Variants in RAB3IL1 observed in about 807,000 individuals in gnomAD.
RAB3IL1 encodes the protein guanine nucleotide exchange factor for Rab-3A.
Under a neutral mutation model 49.2 loss-of-function variants are expected in RAB3IL1, and 37 were observed. The ratio of observed to expected loss-of-function variants is 0.75; its 90% CI spans 0.58 to 0.99. The LOEUF is 0.99. Among genes scored for constraint, RAB3IL1 ranks in the 50% least tolerant of loss-of-function variants. RAB3IL1 has a pLI of 0.00. For synonymous variants in RAB3IL1, 193 were observed against 213.9 expected (o/e 0.90, Z 0.85); for missense variants, 484 against 513.0 (o/e 0.94, Z 0.55).
upstream of RAB3IL1, chr11:61,920,033 G>C (rs957362048): frequency 1.6e-6 from 2 of 1,250,236 alleles, no homozygotes; most frequent in African/African-American, 1.5e-5. Context: ...CCCAGGTCCT[G>C]AGCTCACCTG....
the RAB3IL1 span, among the ~76,000 whole-genome samples, chr11:61,925,552 T>C: frequency 2.6e-5 from 4 of 152,048 alleles, no homozygotes; most frequent in African/African-American, 9.7e-5. Context: ...GGAAAATTGC[T>C]TGAACCCGGG....
At chr11:61,899,748 T>C in intron 8 of RAB3IL1, 2 of 206,298 alleles carry the variant, frequency 9.7e-6, no homozygotes, top group South Asian at 8.8e-5. Flanking sequence ...GGGCAGGCTG[T>C]CCCGGAGTCT....
rs1379443607 is a variant in RAB3IL1, at chr11:61,906,365, T to A, written c.657+101A>T. On this transcript the variant is annotated intron_variant, in intron 5 of 9. Transcript: ENST00000394836. This position sits in a 1 kb window ranked among gnomAD's most constrained non-coding sequence, Gnocchi z 4.6. ...AGAGAGGCGCAGGACAGGCTCCAGG[T>A]CACACAGCATGGGGCAGGCTGGTCC... 9.1e-7 allele frequency: 1 copy of A among 1,095,064 alleles called. No homozygotes were observed. Among genetic ancestry groups the A allele is most frequent in the East Asian group, 2.6e-5 (1 of 38,850 alleles). 67.8% of individuals were successfully genotyped at this position (1,095,064 alleles called of 1,614,324 possible). A position where few individuals can be genotyped will look rare whatever the true frequency, so the allele number is the denominator to read the frequency against.
the RAB3IL1 span, among the ~76,000 whole-genome samples, chr11:61,933,573 T>C: frequency 6.6e-6 from 1 of 152,042 alleles, no homozygotes; most frequent in Non-Finnish European, 1.5e-5. Context: ...AAAAAAGTAA[T>C]GCAGATTTTG....
intron 8 of RAB3IL1, among the ~76,000 whole-genome samples, chr11:61,900,687 T>C (rs1938866440): frequency 6.6e-6 from 1 of 151,958 alleles, no homozygotes; most frequent in Admixed American, 6.6e-5. Flanking sequence ...AGAAAACACT[T>C]CTCCCTGTGG....
chr11:61,903,970 G>A (rs1021266689), intron 7 of RAB3IL1, among the ~76,000 whole-genome samples: 7 of 151,920 alleles, frequency 4.6e-5, no homozygotes, highest in Admixed American at 1.3e-4. Context: ...TGGTGCTTCC[G>A]TTAATACTCC....
Position 61,904,777 on chromosome 11 carries a change from A to AG in RAB3IL1, c.762dup (p.Cys255LeufsTer25). 1 of 1,607,924 alleles carries AG rather than the reference A, an allele frequency of 6.2e-7. No homozygotes were observed. Among genetic ancestry groups the AG allele is most frequent in the Non-Finnish European group, 8.5e-7 (1 of 1,177,872 alleles). Reference sequence around the variant, plus strand: ...ACCTCCTGCATTGTGAAGTCCAGGCAGGGGCCCACGTCCTCTCGGTACACC... The same window carrying AG: ...ACCTCCTGCATTGTGAAGTCCAGGCAGGGGGCCCACGTCCTCTCGGTACACC... On this transcript the variant is annotated frameshift_variant, in exon 6 of 10. Coordinates refer to ENST00000394836, the MANE Select transcript of RAB3IL1 (RefSeq NM_013401.4). LOFTEE classifies it high-confidence loss of function.
chr11:61,903,331 C>T (rs1565358832), intron 7 of RAB3IL1, among the ~76,000 whole-genome samples: 1 of 152,124 alleles, frequency 6.6e-6, no homozygotes, highest in Admixed American at 6.5e-5. Flanking sequence ...AGCCAGGGCT[C>T]CTCCAAAAAC....
the RAB3IL1 span, among the ~76,000 whole-genome samples, chr11:61,932,020 G>A: frequency 6.6e-6 from 1 of 151,972 alleles, no homozygotes; most frequent in Non-Finnish European, 1.5e-5. Flanking sequence ...GGGAGGCTGA[G>A]GCAGGCAGAT....
upstream of RAB3IL1, among the ~76,000 whole-genome samples, chr11:61,922,733 A>G (rs530108279): frequency 6.6e-6 from 1 of 151,984 alleles, no homozygotes; most frequent in Admixed American, 6.6e-5. Context: ...GGATAACAGT[A>G]TCTCCCACTT....
intron 5 of RAB3IL1, among the ~76,000 whole-genome samples, chr11:61,905,470 A>C (rs1473003998): frequency 1.3e-5 from 2 of 152,122 alleles, no homozygotes; most frequent in African/African-American, 4.8e-5. Context: ...GCCGGCTCGT[A>C]GGTGAGGTGA....
At chr11:61,917,038 G>A (rs779482653) in intron 1 of RAB3IL1, among the ~76,000 whole-genome samples, 8 of 151,822 alleles carry the variant, frequency 5.3e-5, no homozygotes, top group African/African-American at 1.5e-4. Context: ...CTTCCTCTAG[G>A]TGCATGCCCC....
At chr11:61,919,589 G>C (rs1245568494), upstream of RAB3IL1, among the ~76,000 whole-genome samples, 1 of 152,204 alleles carries the variant, frequency 6.6e-6, no homozygotes, top group Non-Finnish European at 1.5e-5. Context: ...GGCAGCTGCA[G>C]CTGTGTGCAG....
intron 1 of RAB3IL1, among the ~76,000 whole-genome samples, chr11:61,912,206 G>A (rs1939482767): frequency 6.6e-6 from 1 of 152,184 alleles, no homozygotes; most frequent in Admixed American, 6.5e-5. Context: ...GGCTGCCAGG[G>A]CCCAGGCCTC....
chr11:61,905,734 A>T (rs1268598637), intron 5 of RAB3IL1, among the ~76,000 whole-genome samples: 4 of 152,130 alleles, frequency 2.6e-5, no homozygotes, highest in Non-Finnish European at 4.4e-5. Flanking sequence ...GGCGCCAGGG[A>T]CCCAGGAAGC....
intron 7 of RAB3IL1, among the ~76,000 whole-genome samples, chr11:61,903,807 G>A (rs977261819): frequency 6.6e-6 from 1 of 152,102 alleles, no homozygotes; most frequent in Non-Finnish European, 1.5e-5. Flanking sequence ...TTACAGGTGT[G>A]AGCCACTGCA....
chr11:61,935,207 G>C, the RAB3IL1 span, among the ~76,000 whole-genome samples: 1 of 152,022 alleles, frequency 6.6e-6, no homozygotes, highest in African/African-American at 2.4e-5. Context: ...GAATCACGAG[G>C]TCTGGGGTTC....
At chr11:61,922,292 G>A (rs192343326), upstream of RAB3IL1, among the ~76,000 whole-genome samples, 754 of 152,190 alleles carry the variant, frequency 5.0e-3, 6 homozygotes, top group Non-Finnish European at 7.0e-3. Flanking sequence ...AGGCCGAGGC[G>A]AGTGGATCAT....
rs115231431 is a variant in RAB3IL1, at chr11:61,903,005, C to A, written c.900-464G>T. ...CCCACTAACCCCCATGGTTCTCAGC[C>A]GCATGCCAACCAACCCCGTCTAAGA... is the stretch of plus-strand genomic sequence containing the variant. On this transcript the variant is annotated intron_variant, in intron 7 of 9. Transcript: ENST00000394836. Among the ~76,000 whole-genome samples, 918 of 152,218 alleles carry A rather than the reference C, an allele frequency of 6.0e-3. 10 individuals carry two copies. The highest frequency in any genetic ancestry group is 0.021 in the African/African-American group (882 of 41,536).
Sources: allele counts gnomAD v4.1 joint callset (sites outside exome capture counted in the v4.1 genomes callset), GRCh38; gene constraint gnomAD v4.1.1; non-coding constraint Gnocchi (gnomAD v3.1); transcripts MANE v1.5; gene names NCBI Gene and HGNC (gene_info 2026-07-23, HGNC 2026-07-21).